Variants in OCA2 observed in about 807,000 individuals in gnomAD.
The protein encoded by OCA2 is P protein.
A neutral mutation model predicts 100.2 loss-of-function variants in OCA2; 77 were observed. The ratio of observed to expected loss-of-function variants is 0.77; its 90% CI spans 0.64 to 0.93. The LOEUF is 0.93. Among genes scored for constraint, OCA2 ranks in the 40% least tolerant of loss-of-function variants. The probability of loss-of-function intolerance (pLI) is 0.00; values close to 1 mark genes in which losing one functional copy is unlikely to be tolerated. For synonymous variants in OCA2, 432 were observed against 439.2 expected (o/e 0.98, Z 0.21); for missense variants, 1,062 against 1,089.1 (o/e 0.98, Z 0.35).
chr15:28,009,441 A>G (rs1479746086), intron 9 of OCA2, among the ~76,000 whole-genome samples: 1 of 152,132 alleles, frequency 6.6e-6, no homozygotes, highest in Non-Finnish European at 1.5e-5. Context: ...TAATCCCAGC[A>G]CTTTGGGAGA....
chr15:27,895,320 T>C (rs180840452), intron 19 of OCA2, among the ~76,000 whole-genome samples: 26 of 152,312 alleles, frequency 1.7e-4, no homozygotes, highest in Admixed American at 4.6e-4. Flanking sequence ...GCTGAAAAGA[T>C]AGCCGAAAAT....
chr15:27,880,011 CTTGAG>C (rs1456934093), intron 19 of OCA2, among the ~76,000 whole-genome samples: 2 of 152,100 alleles, frequency 1.3e-5, no homozygotes, highest in Non-Finnish European at 2.9e-5. Flanking sequence ...TTTAATCCAT[CTTGAG>C]TTAATTTTTG....
chr15:27,733,469 GCTCATGGC>G, the OCA2 span, among the ~76,000 whole-genome samples: 1 of 76,288 alleles, frequency 1.3e-5, no homozygotes, highest in Non-Finnish European at 4.6e-5. Flanking sequence ...AGCCAAACTG[GCTCATGGC>G]CTCATGGCCT....
chr15:27,973,680 T>C (rs976779351), intron 14 of OCA2, among the ~76,000 whole-genome samples: 2 of 152,212 alleles, frequency 1.3e-5, no homozygotes, highest in Admixed American at 1.3e-4. Context: ...CTTTTTTGGT[T>C]CCATATGAAT....
At chr15:28,015,067 G>T in intron 8 of OCA2, 138 bp from the exon 9 acceptor site, 1 of 933,392 alleles carries the variant, frequency 1.1e-6, no homozygotes, top group Non-Finnish European at 1.7e-6. Context: ...GAAGAGCAGT[G>T]AGCACAGGCC....
chr15:27,901,989 G>A (rs930249643), intron 19 of OCA2, among the ~76,000 whole-genome samples: 5 of 152,184 alleles, frequency 3.3e-5, no homozygotes, highest in Non-Finnish European at 5.9e-5. Flanking sequence ...GGCAGGGGGC[G>A]GAGGGGGAGA....
intron 19 of OCA2, among the ~76,000 whole-genome samples, chr15:27,882,570 C>T (rs2037063302): frequency 6.6e-6 from 1 of 152,118 alleles, no homozygotes; most frequent in Non-Finnish European, 1.5e-5. Flanking sequence ...GTCATTTTCC[C>T]TTGGAAATTT....
chr15:28,010,220 G>A (rs114497645), intron 9 of OCA2, among the ~76,000 whole-genome samples: 2,048 of 152,138 alleles, frequency 0.013, 42 homozygotes, highest in African/African-American at 0.047. Flanking sequence ...ACCCCTCTTA[G>A]TACATTAGGA....
chr15:27,927,033 T>C (rs2140379118), intron 18 of OCA2, among the ~76,000 whole-genome samples: 1 of 152,328 alleles, frequency 6.6e-6, no homozygotes, highest in South Asian at 2.1e-4. Context: ...CTCACGCCTG[T>C]AATCCCAGCA....
chr15:27,920,791 CAATAT>C (rs2038828920), intron 19 of OCA2, among the ~76,000 whole-genome samples: 1 of 151,462 alleles, frequency 6.6e-6, no homozygotes, highest in Admixed American at 6.6e-5. Flanking sequence ...ATGAGGGACT[CAATAT>C]AATATTTGAG....
chr15:28,072,790 C>T (rs1001826917), intron 2 of OCA2, among the ~76,000 whole-genome samples: 1 of 151,958 alleles, frequency 6.6e-6, no homozygotes. Flanking sequence ...TTTTAAAAAT[C>T]AAAAAACAAC....
At chr15:27,768,314 A>G (rs1265478585) in intron 23 of OCA2, among the ~76,000 whole-genome samples, 2 of 152,216 alleles carry the variant, frequency 1.3e-5, no homozygotes, top group Non-Finnish European at 2.9e-5. Context: ...TCTGTGAGAT[A>G]TGCAAAATTA....
chr15:28,062,143 A>T (rs1043146474), intron 2 of OCA2, among the ~76,000 whole-genome samples: 1 of 152,238 alleles, frequency 6.6e-6, no homozygotes, highest in African/African-American at 2.4e-5. Context: ...GGAACTGCTG[A>T]ACTGTTTTCC....
intron 23 of OCA2, among the ~76,000 whole-genome samples, chr15:27,765,844 C>T (rs1247409568): frequency 6.6e-6 from 1 of 152,224 alleles, no homozygotes; most frequent in African/African-American, 2.4e-5. Context: ...TCACTCTCAT[C>T]ACCATCTTGG....
intron 19 of OCA2, among the ~76,000 whole-genome samples, chr15:27,876,728 T>A (rs552064254): frequency 1.3e-5 from 2 of 152,114 alleles, no homozygotes; most frequent in East Asian, 3.9e-4. Context: ...TTGGTATAAA[T>A]TTGTTAATAG....
chr15:27,980,120 G>A (rs2041108201), intron 14 of OCA2, among the ~76,000 whole-genome samples: 1 of 151,636 alleles, frequency 6.6e-6, no homozygotes, highest in Admixed American at 6.6e-5. Flanking sequence ...TCTCAAAGTG[G>A]CTTAATTTTT....
At chr15:27,774,294 G>A (rs1313852642) in intron 23 of OCA2, among the ~76,000 whole-genome samples, 1 of 152,234 alleles carries the variant, frequency 6.6e-6, no homozygotes, top group East Asian at 1.9e-4. Flanking sequence ...CTCTGGCAGT[G>A]AGGAAGAGAG....
chr15:28,070,274 G>A (rs1436069379), intron 2 of OCA2, among the ~76,000 whole-genome samples: 4,478 of 134,336 alleles, frequency 0.033, 110 homozygotes, highest in African/African-American at 0.14. Flanking sequence ...AGTGAGGAGC[G>A]TCTCCGCCCG....
chr15:27,900,589 C>A (rs1209792666), intron 19 of OCA2, among the ~76,000 whole-genome samples: 1 of 152,214 alleles, frequency 6.6e-6, no homozygotes, highest in Non-Finnish European at 1.5e-5. Flanking sequence ...CAAGGTATCA[C>A]AACAGGTGTC....
Sources: allele counts gnomAD v4.1 joint callset (sites outside exome capture counted in the v4.1 genomes callset), GRCh38; gene constraint gnomAD v4.1.1; transcripts MANE v1.5; gene names NCBI Gene and HGNC (gene_info 2026-07-23, HGNC 2026-07-21).